Variants in G3BP2 observed in about 807,000 individuals in gnomAD.
The protein encoded by G3BP2 is ras GTPase-activating protein-binding protein 2.
A neutral mutation model predicts 56.7 loss-of-function variants in G3BP2; 11 were observed. The observed-to-expected ratio is 0.19, with a 90% CI of 0.12 to 0.32. The LOEUF (loss-of-function observed/expected upper bound fraction) is 0.32. Among genes scored for constraint, G3BP2 ranks in the 10% least tolerant of loss-of-function variants. The pLI is 1.00. For synonymous variants in G3BP2, 165 were observed against 191.6 expected (o/e 0.86, Z 1.15); for missense variants, 340 against 610.9 (o/e 0.56, Z 4.67).
chr4:75,683,325 GC>G lies in G3BP2; in HGVS notation c.-24-21277del, dbSNP rs530479626. ...ACCTGTAATCCCAGCATTTTGTGAG[GC>G]CAAGGCGGGCAGATCACCTGAGGTC... On this transcript the variant is annotated intron_variant, in intron 3 of 3. Transcript: ENST00000499709. Among the ~76,000 whole-genome samples, 676 of 152,282 alleles carry G rather than the reference GC, an allele frequency of 4.4e-3. 5 individuals carry two copies. The highest frequency in any genetic ancestry group is 0.016 in the African/African-American group (651 of 41,568).
intron 3 of G3BP2, among the ~76,000 whole-genome samples, chr4:75,695,415 C>G (rs983166347): frequency 1.3e-5 from 2 of 152,126 alleles, no homozygotes; most frequent in Non-Finnish European, 2.9e-5. Context: ...GTCTGAGGGT[C>G]AAGACAGAAG....
intron 8 of G3BP2, among the ~76,000 whole-genome samples, chr4:75,650,131 C>A (rs1298295738): frequency 6.6e-6 from 1 of 151,986 alleles, no homozygotes; most frequent in African/African-American, 2.4e-5. Context: ...AGGACAAATT[C>A]TGACACAAAA....
intron 6 of G3BP2, 34 bp from the exon 7 acceptor site, chr4:75,655,280 G>A (rs1444761494): frequency 4.0e-6 from 6 of 1,484,016 alleles, no homozygotes; most frequent in Non-Finnish European, 5.6e-6. Context: ...TTTTTAGTAG[G>A]AGTTCAAGTA....
rs1734083913 is a variant in G3BP2, at chr4:75,681,798, A to C, written c.-24-19749T>G. 1.3e-5 allele frequency among the ~76,000 whole-genome samples: 2 copies of C among 151,322 alleles called. 1 individual carries two copies. Among genetic ancestry groups the C allele is most frequent in the African/African-American group, 4.9e-5 (2 of 41,166 alleles). On this transcript the variant is annotated intron_variant, in intron 3 of 3. Coordinates refer to the G3BP2 transcript ENST00000499709. ...CAGGAGGCGGAGGTTGCAGTGAGCC[A>C]AGATCGCACCACTGCACCCCAGTCT...
chr4:75,720,228 G>C (rs1394077447), intron 3 of G3BP2, among the ~76,000 whole-genome samples: 1 of 151,928 alleles, frequency 6.6e-6, no homozygotes, highest in Non-Finnish European at 1.5e-5. Context: ...AAAATATTTT[G>C]AGGGCGCCGG....
chr4:75,658,823 C>A lies in G3BP2; in HGVS notation c.177+20G>T. 1 of 1,453,292 alleles carries A rather than the reference C, an allele frequency of 6.9e-7. No individual in the cohort carries two copies. Among genetic ancestry groups the A allele is most frequent in the Non-Finnish European group, 9.7e-7 (1 of 1,033,020 alleles). The allele number at this position is 1,453,292 out of a possible 1,614,324, so 90.0% of individuals were successfully genotyped here. ...ATCTTAACACAAAATTTCTAAACTA[C>A]ATATGAAATTGATACTTACATTTTG... On this transcript the variant is annotated intron_variant, in intron 3 of 11. Transcript: ENST00000359707.
upstream of G3BP2, among the ~76,000 whole-genome samples, chr4:75,677,893 G>A (rs1156635179): frequency 2.0e-5 from 3 of 152,158 alleles, no homozygotes; most frequent in East Asian, 1.9e-4. Flanking sequence ...ACCTTCAGGC[G>A]GCAACTAGGT....
At position 75,689,529 on chromosome 4, in the gene G3BP2, T is replaced by C. The variant is rs1229015158; in HGVS notation, c.-24-27480A>G. 2.0e-5 allele frequency among the ~76,000 whole-genome samples: 3 copies of C among 152,346 alleles called. No individual in the cohort carries two copies. In the East Asian group the frequency reaches 5.8e-4, roughly 29 times the overall value. On this transcript the variant is annotated intron_variant, in intron 3 of 3. Coordinates refer to the G3BP2 transcript ENST00000499709. Reference sequence around the variant, plus strand: ...TTTGAATTTAATACTGCTATTCTCTTTTTAAGAACTTCAAGTTTAATGACT... The same window carrying C: ...TTTGAATTTAATACTGCTATTCTCTCTTTAAGAACTTCAAGTTTAATGACT...
intron 9 of G3BP2, 61 bp from the exon 10 acceptor site, chr4:75,647,218 A>G (rs945274620): frequency 1.8e-6 from 2 of 1,107,198 alleles, no homozygotes; most frequent in Non-Finnish European, 2.6e-6. Flanking sequence ...ACTTCAAAGG[A>G]GTGAATGTAA....
chr4:75,655,423 T>C (rs17000732), intron 6 of G3BP2, among the ~76,000 whole-genome samples, 177 bp from the exon 7 acceptor site: 3,295 of 152,268 alleles, frequency 0.022, 118 homozygotes, highest in African/African-American at 0.074. Flanking sequence ...TACTCTCAAG[T>C]AGCAGTTCTT....
chr4:75,714,503 C>T (rs1024722145), intron 3 of G3BP2, among the ~76,000 whole-genome samples: 2 of 152,094 alleles, frequency 1.3e-5, no homozygotes, highest in African/African-American at 4.8e-5. Context: ...TGGCGAGTGC[C>T]TGTAATTCCA....
At chr4:75,646,269 T>A in intron 11 of G3BP2, 69 bp downstream of exon 11, 1 of 740,982 alleles carries the variant, frequency 1.3e-6, no homozygotes, top group Non-Finnish European at 2.3e-6. Flanking sequence ...CTATGGTTTT[T>A]AAATACCCCA....
At chr4:75,711,956 A>C (rs1043795155) in intron 3 of G3BP2, among the ~76,000 whole-genome samples, 1 of 152,158 alleles carries the variant, frequency 6.6e-6, no homozygotes, top group Non-Finnish European at 1.5e-5. Context: ...ATTATAAAAA[A>C]GAAAAGCTGG....
chr4:75,679,738 T>G (rs1578422581), intron 3 of G3BP2, among the ~76,000 whole-genome samples: 1 of 152,244 alleles, frequency 6.6e-6, no homozygotes, highest in South Asian at 2.1e-4. Context: ...ATACAAAGAA[T>G]CAGATTATCA....
intron 3 of G3BP2, among the ~76,000 whole-genome samples, chr4:75,716,055 T>C (rs1322785163): frequency 6.6e-6 from 1 of 152,154 alleles, no homozygotes; most frequent in Admixed American, 6.5e-5. Context: ...CATCTAGGAC[T>C]AGGGTCTAGG....
chr4:75,721,517 C>G (rs111313404), intron 2 of G3BP2, among the ~76,000 whole-genome samples: 1 of 152,122 alleles, frequency 6.6e-6, no homozygotes, highest in Non-Finnish European at 1.5e-5. Flanking sequence ...CTTGGCCTCC[C>G]AAAGTGCTGG....
Position 75,647,156 on chromosome 4 carries a change from G to T in G3BP2, c.930C>A (p.Gly310=). 1 of 1,577,658 alleles carries T rather than the reference G, an allele frequency of 6.3e-7. No individual in the cohort carries two copies. Among genetic ancestry groups the T allele is most frequent in the Middle Eastern group, 1.7e-4 (1 of 5,952 alleles). ...PGFPPRGPRP[G]RGDMEQNDSD... is the part of the protein sequence containing the mutation. ...AGTCATTCTGTTCCATATCTCCTCT[G>T]CCTGAGAATAGAAATAGAGCAGATA... is the stretch of plus-strand genomic sequence containing the variant. The change falls in exon 10 of 12, where the codon GGC becomes GGA. Residue 310 remains glycine, a splice_region_variant and synonymous_variant. Coordinates refer to ENST00000359707, the MANE Select transcript of G3BP2 (RefSeq NM_203505.3).
chr4:75,643,130 T>C lies in G3BP2; in HGVS notation c.*2300A>G, dbSNP rs1342823607. 6 of 152,362 alleles carry C rather than the reference T, an allele frequency of 3.9e-5. No individual in the cohort carries two copies. The highest frequency in any genetic ancestry group is 8.8e-5 in the Non-Finnish European group (6 of 67,944). 9.4% of individuals were successfully genotyped at this position (152,362 alleles called of 1,614,324 possible). A position where few individuals can be genotyped will look rare whatever the true frequency, so the allele number is the denominator to read the frequency against. ...CAGTACTGCAGGTGAACAATCACCA[T>C]GTAAACTTCTCCATATGATGTTTTA... On this transcript the variant is annotated 3_prime_UTR_variant, in exon 12 of 12. Coordinates refer to ENST00000359707, the MANE Select transcript of G3BP2 (RefSeq NM_203505.3).
chr4:75,657,747 G>C lies in G3BP2; in HGVS notation c.178-17C>G, dbSNP rs75304153. On this transcript the variant is annotated splice_polypyrimidine_tract_variant and intron_variant, in intron 3 of 11. Transcript: ENST00000359707. Reference sequence around the variant, plus strand: ...GTGTATATCCTTTATTAGGGAGGGAGGGAAAAATATAAACTCTGTGATACT... The same window carrying C: ...GTGTATATCCTTTATTAGGGAGGGACGGAAAAATATAAACTCTGTGATACT... The C allele has an allele frequency of 0.017, 26,608 of 1,543,910 alleles. 297 individuals are homozygous for C. The highest frequency in any genetic ancestry group is 0.021 in the Non-Finnish European group (23,434 of 1,121,890).
Sources: allele counts gnomAD v4.1 joint callset (sites outside exome capture counted in the v4.1 genomes callset), GRCh38; gene constraint gnomAD v4.1.1; transcripts MANE v1.5; gene names NCBI Gene and HGNC (gene_info 2026-07-23, HGNC 2026-07-21).